The following DNAJC24 variants were observed in gnomAD, a reference collection of about 807,000 sequenced individuals.
The protein encoded by DNAJC24 is dnaJ homolog subfamily C member 24.
DNAJC24 carries 17 observed loss-of-function variants against 18.0 expected under a neutral mutation model. The ratio of observed to expected loss-of-function variants is 0.94; its 90% confidence interval spans 0.65 to 1.42. The LOEUF (loss-of-function observed/expected upper bound fraction) is 1.42. Among genes scored for constraint, DNAJC24 ranks in the 40% most tolerant of loss-of-function variants. DNAJC24 has a pLI of 0.00. For missense variants in DNAJC24, 158 were observed against 175.6 expected, an observed-to-expected ratio of 0.90 and a Z score of 0.57; for synonymous variants, 55 against 57.7, an observed-to-expected ratio of 0.95 and a Z score of 0.21.
chr11:31,394,332 A>G (rs1319289907), intron 2 of DNAJC24, among the ~76,000 whole-genome samples: 1 of 152,228 alleles, frequency 6.6e-6, no homozygotes, highest in Non-Finnish European at 1.5e-5. Context: ...ATGCATGTCA[A>G]GTGACTCAAG....
chr11:31,386,137 T>G (rs1952427980), intron 2 of DNAJC24, among the ~76,000 whole-genome samples: 2 of 152,188 alleles, frequency 1.3e-5, no homozygotes, highest in African/African-American at 4.8e-5. Context: ...GAGCTAAAGT[T>G]CTCTGGGGTC....
chr11:31,386,906 C>T (rs777227323), intron 2 of DNAJC24, among the ~76,000 whole-genome samples: 4 of 152,028 alleles, frequency 2.6e-5, no homozygotes, highest in Non-Finnish European at 5.9e-5. Flanking sequence ...GCATTCACCC[C>T]AAGCTGACTG....
chr11:31,387,457 A>AGTAATC (rs1364952809), intron 2 of DNAJC24, among the ~76,000 whole-genome samples: 1 of 152,192 alleles, frequency 6.6e-6, no homozygotes, highest in Non-Finnish European at 1.5e-5. Context: ...GAGCCTGGCT[A>AGTAATC]GTAATCCAGG....
intron 2 of DNAJC24, among the ~76,000 whole-genome samples, chr11:31,392,683 A>G (rs1952508819): frequency 6.6e-6 from 1 of 150,660 alleles, no homozygotes; most frequent in African/African-American, 2.4e-5. Context: ...TATATAAGAG[A>G]CACCAGAGAA....
chr11:31,403,946 C>G (rs1952628207), intron 2 of DNAJC24, among the ~76,000 whole-genome samples: 1 of 152,168 alleles, frequency 6.6e-6, no homozygotes, highest in South Asian at 2.1e-4. Flanking sequence ...CTGTTGGTTG[C>G]CCATTTTTAT....
chr11:31,415,874 A>C (rs1196922999), intron 3 of DNAJC24: 1 of 152,216 alleles, frequency 6.6e-6, no homozygotes, highest in Non-Finnish European at 1.5e-5. Context: ...TGTTAGTACT[A>C]AGGTTATGAA....
chr11:31,376,095 G>GCCAATGTC (rs1952311846), intron 2 of DNAJC24, among the ~76,000 whole-genome samples: 1 of 106,420 alleles, frequency 9.4e-6, no homozygotes, highest in Admixed American at 9.6e-5. Flanking sequence ...CCTCATGGTA[G>GCCAATGTC]TGAATAAGTC....
chr11:31,414,886 G>T lies in DNAJC24; in HGVS notation c.187G>T (p.Asp63Tyr). 1.2e-6 allele frequency: 2 copies of T among 1,614,032 alleles called. No individual in the cohort carries two copies. The highest frequency in any genetic ancestry group is 1.1e-5 in the South Asian group (1 of 91,048). ...ATGTGTACAGAAGTTCATCGAAATT[G>T]ATCAAGCATGGAAAATTCTAGGAAA... Reference protein sequence around the residue: ...EECVQKFIEIDQAWKILGNEE... With the variant: ...EECVQKFIEIYQAWKILGNEE... The change falls in exon 3 of 5, where the codon GAT (aspartate) becomes TAT (tyrosine). Residue 63 changes from aspartate to tyrosine, a missense_variant. Coordinates refer to ENST00000465995, the MANE Select transcript of DNAJC24 (RefSeq NM_181706.5).
intron 2 of DNAJC24, among the ~76,000 whole-genome samples, chr11:31,377,870 GTAATT>G (rs1206765752): frequency 2.6e-5 from 4 of 152,062 alleles, no homozygotes; most frequent in African/African-American, 9.7e-5. Context: ...GAAAATCCAT[GTAATT>G]TGAGTCAGGA....
At chr11:31,386,769 T>G (rs1952434411) in intron 2 of DNAJC24, among the ~76,000 whole-genome samples, 1 of 152,142 alleles carries the variant, frequency 6.6e-6, no homozygotes, top group Non-Finnish European at 1.5e-5. Context: ...TTCGCTACAG[T>G]GGGGTAGAGC....
chr11:31,377,437 T>A (rs1294809848), intron 2 of DNAJC24, among the ~76,000 whole-genome samples: 1 of 152,118 alleles, frequency 6.6e-6, no homozygotes, highest in African/African-American at 2.4e-5. Context: ...TTACATATTA[T>A]AGACATACAT....
At chr11:31,382,755 A>G (rs11031369) in intron 2 of DNAJC24, among the ~76,000 whole-genome samples, 7,218 of 152,250 alleles carry the variant, frequency 0.047, 249 homozygotes, top group Admixed American at 0.094. Flanking sequence ...GTGGACACCA[A>G]TTGGGTGTCC....
At chr11:31,373,673 AG>A (rs1207072862) in intron 2 of DNAJC24, among the ~76,000 whole-genome samples, 1 of 135,106 alleles carries the variant, frequency 7.4e-6, no homozygotes, top group African/African-American at 2.5e-5. Context: ...TTGCAATAAT[AG>A]GTATCCACTT....
intron 2 of DNAJC24, among the ~76,000 whole-genome samples, chr11:31,379,587 CAATT>C (rs1952355342): frequency 6.6e-6 from 1 of 152,112 alleles, no homozygotes; most frequent in Admixed American, 6.6e-5. Flanking sequence ...TTAAACAGAA[CAATT>C]AATTGAGACT....
chr11:31,372,164 A>T (rs559806320), intron 2 of DNAJC24, among the ~76,000 whole-genome samples: 1 of 151,820 alleles, frequency 6.6e-6, no homozygotes, highest in Non-Finnish European at 1.5e-5. Flanking sequence ...TTGTAAATAT[A>T]TCTCTGAATT....
In DNAJC24 at chr11:31,370,317, C is replaced by CT. The variant is rs530395446; in HGVS notation, c.-33-390dup. ...TTTAATTCTTTGATGTTCTGTTTTG[C>CT]TTTTTTTTTATTCGTTCATTTTGTA... On this transcript the variant is annotated intron_variant, in intron 1 of 4. Transcript: ENST00000465995. Among the ~76,000 whole-genome samples, 626 of 151,392 alleles carry CT rather than the reference C, an allele frequency of 4.1e-3. 5 individuals are homozygous for CT. The highest frequency in any genetic ancestry group is 7.2e-3 in the Non-Finnish European group (485 of 67,792).
chr11:31,375,865 T>C lies in DNAJC24; in HGVS notation c.111+5006T>C. Among the ~76,000 whole-genome samples the C allele has an allele frequency of 1.5e-5, 2 of 135,278 alleles. 1 individual carries two copies. The highest frequency in any genetic ancestry group is 3.4e-5 in the Non-Finnish European group (2 of 58,468). The allele number at this position is 135,278 out of a possible 152,430, so 88.7% of individuals were successfully genotyped here. A position where few individuals can be genotyped will look rare whatever the true frequency, so the allele number is the denominator to read the frequency against. ...TCAACTAGCATTATTCTGGGAAGGCTCCTTGTAGATAGCTATGTATACTAT... is the reference window on the plus strand; with the variant it reads ...TCAACTAGCATTATTCTGGGAAGGCCCCTTGTAGATAGCTATGTATACTAT... On this transcript the variant is annotated intron_variant, in intron 2 of 4. Coordinates refer to ENST00000465995, the MANE Select transcript of DNAJC24 (RefSeq NM_181706.5).
chr11:31,383,138 G>A (rs1952394088), intron 2 of DNAJC24, among the ~76,000 whole-genome samples: 1 of 152,018 alleles, frequency 6.6e-6, no homozygotes, highest in South Asian at 2.1e-4. Context: ...CCACCTGGAG[G>A]TCACTGTACT....
Position 31,412,283 on chromosome 11 carries a change from C to G in DNAJC24, c.112-2528C>G, listed in dbSNP as rs981259254. On this transcript the variant is annotated intron_variant, in intron 2 of 4. Coordinates refer to ENST00000465995, the MANE Select transcript of DNAJC24 (RefSeq NM_181706.5). The stretch of plus-strand genomic sequence containing the variant: ...TACCAAGCAGACTTCCTATATTGGC[C>G]CATGACAAATTACCTACCTTTTGAT... 3.9e-5 allele frequency among the ~76,000 whole-genome samples: 6 copies of G among 152,034 alleles called. No homozygotes were observed. The East Asian group carries it at 1.2e-3, about 29-fold the overall frequency.
Sources: allele counts gnomAD v4.1 joint callset (sites outside exome capture counted in the v4.1 genomes callset), GRCh38; gene constraint gnomAD v4.1.1; transcripts MANE v1.5; gene names NCBI Gene and HGNC (gene_info 2026-07-23, HGNC 2026-07-21).